Variants in NIN observed in about 807,000 individuals in gnomAD.
The protein encoded by NIN is glycogen synthase kinase 3 beta-interacting protein.
Under a neutral mutation model 257.6 loss-of-function variants are expected in NIN, and 137 were observed. The observed-to-expected ratio is 0.53, with a 90% CI of 0.46 to 0.61. The LOEUF is 0.61. Ranked by LOEUF, NIN falls within the 20% of genes least tolerant of loss-of-function variation. The probability of loss-of-function intolerance (pLI) is 0.00; values close to 1 mark genes in which losing one functional copy is unlikely to be tolerated. For synonymous variants in NIN, 918 were observed against 919.8 expected, an observed-to-expected ratio of 1.00 and a Z score of 0.04; for missense variants, 2,439 against 2,501.2, an observed-to-expected ratio of 0.98 and a Z score of 0.53.
At chr14:50,826,397 A>G (rs2045459875) in intron 2 of NIN, among the ~76,000 whole-genome samples, 1 of 152,218 alleles carries the variant, frequency 6.6e-6, no homozygotes. Flanking sequence ...AGAACCATTA[A>G]TCAAAACATT....
intron 2 of NIN, among the ~76,000 whole-genome samples, chr14:50,826,161 C>T (rs1221287430): frequency 6.6e-6 from 1 of 152,194 alleles, no homozygotes; most frequent in Admixed American, 6.5e-5. Flanking sequence ...AGGAGTCTTA[C>T]TCAGAGATTA....
chr14:50,759,086 G>A (rs923370484), intron 17 of NIN, among the ~76,000 whole-genome samples: 2 of 152,218 alleles, frequency 1.3e-5, no homozygotes, highest in Non-Finnish European at 2.9e-5. Context: ...TAACGAAGTA[G>A]CACCAAGTCA....
intron 28 of NIN, among the ~76,000 whole-genome samples, chr14:50,732,011 C>T (rs1349735566): frequency 6.6e-6 from 1 of 152,134 alleles, no homozygotes. Context: ...GTCTGTAACC[C>T]TTTTGTTGAG....
chr14:50,723,544 C>T lies in NIN; in HGVS notation c.6321G>A (p.Glu2107=), dbSNP rs370357170. The change falls in exon 31 of 31, where the codon GAG becomes GAA. Residue 2107 remains glutamate (E), a synonymous_variant. Transcript: ENST00000530997. Reference sequence around the variant, plus strand: ...TATTACTGAGGCTGGCAATCTTCTCCTCCAGGAGGTAATTTTTCTTCTCTG... The same window carrying T: ...TATTACTGAGGCTGGCAATCTTCTCTTCCAGGAGGTAATTTTTCTTCTCTG... The part of the protein sequence containing the change: ...KTAEKKNYLL[E]EKIASLSNIV... 8 of 1,613,762 alleles carry T rather than the reference C, an allele frequency of 5.0e-6. No homozygotes were observed. In the African/African-American group the frequency reaches 8.0e-5, roughly 16 times the overall value.
Position 50,722,728 on chromosome 14 carries a change from C to T in NIN, c.*735G>A. 4.6e-6 allele frequency: 1 copy of T among 215,822 alleles called. No individual in the cohort carries two copies. Among genetic ancestry groups the T allele is most frequent in the African/African-American group, 2.2e-5 (1 of 44,522 alleles). The allele number at this position is 215,822 out of a possible 1,614,324, so 13.4% of individuals were successfully genotyped here. On this transcript the variant is annotated 3_prime_UTR_variant, in exon 31 of 31. Coordinates refer to ENST00000530997, the MANE Select transcript of NIN (RefSeq NM_020921.4). ...AACTGCTTTAATTATGTGGCTTTAT[C>T]CGTTTCTTAGAAGACCAGCTCCCCA...
intron 5 of NIN, chr14:50,792,042 A>G (rs1388988658): frequency 6.6e-6 from 1 of 152,250 alleles, no homozygotes; most frequent in Non-Finnish European, 1.5e-5. Flanking sequence ...AAGAATAAAG[A>G]AAATGTTACT....
chr14:50,794,153 G>A (rs1369990015), intron 4 of NIN, among the ~76,000 whole-genome samples: 1 of 152,202 alleles, frequency 6.6e-6, no homozygotes, highest in Non-Finnish European at 1.5e-5. Context: ...TTCCCAGGGA[G>A]GACTGGCGAC....
intron 20 of NIN, among the ~76,000 whole-genome samples, chr14:50,754,234 G>C (rs568103774): frequency 6.6e-6 from 1 of 152,170 alleles, no homozygotes; most frequent in African/African-American, 2.4e-5. Context: ...TGAGGAAAAA[G>C]GAAGGGCTAA....
intron 4 of NIN, 33 bp downstream of exon 4, chr14:50,806,704 G>A: frequency 8.1e-7 from 1 of 1,228,572 alleles, no homozygotes; most frequent in Non-Finnish European, 1.2e-6. Flanking sequence ...ACTTTTAAAG[G>A]GGAAGGCAGA....
chr14:50,754,734 C>A lies in NIN; in HGVS notation c.4664+8G>T, dbSNP rs769268745. 6 of 1,582,026 alleles carry A rather than the reference C, an allele frequency of 3.8e-6. 1 individual carries two copies. The South Asian group carries it at 6.9e-5, about 18-fold the overall frequency. On this transcript the variant is annotated splice_region_variant and intron_variant, in intron 19 of 30. Transcript: ENST00000530997. ...AATGTCTTAGGAAAATGTAAGTATA[C>A]GTCTTACCACATTTCTTCCTGAGAT...
In NIN at chr14:50,806,756, T is replaced by A. The variant is rs775023999; in HGVS notation, c.246A>T (p.Glu82Asp). 6.3e-7 allele frequency: 1 copy of A among 1,587,884 alleles called. No homozygotes were observed. Among genetic ancestry groups the A allele is most frequent in the South Asian group, 1.1e-5 (1 of 89,838 alleles). ...CCTTACCTGGTTCTTGAAAGTGTTC[T>A]TCATTTGACAGAGTTCTGGACAAGA... ...ILILSRTLSN[E>D]EHFQEPDCSL... The change falls in exon 4 of 31, where the codon GAA (glutamate) becomes GAT (aspartate). Residue 82 changes from glutamate to aspartate, a missense_variant. Around this residue, in one of 3 missense-constraint regions of NIN, gnomAD observed 387 missense variants for 427.3 expected, o/e 0.91. Coordinates refer to ENST00000530997, the MANE Select transcript of NIN (RefSeq NM_020921.4).
At position 50,738,265 on chromosome 14, in the gene NIN, G is replaced by T; in HGVS notation, c.5650C>A (p.Leu1884Ile). 1 of 1,613,736 alleles carries T rather than the reference G, an allele frequency of 6.2e-7. No homozygotes were observed. Among genetic ancestry groups the T allele is most frequent in the Non-Finnish European group, 8.5e-7 (1 of 1,179,810 alleles). Residue 1884 changes from leucine to isoleucine, a missense_variant, in exon 27 of 31, where the codon CTT (leucine) becomes ATT (isoleucine). Physicochemically the swap from Leu to Ile is conservative, Grantham distance 5. Around this residue, in one of 3 missense-constraint regions of NIN, gnomAD observed 2,043 missense variants for 2,050.2 expected, o/e 1.00. Transcript: ENST00000530997. Reference protein sequence around the residue: ...REKVRQLESNLLPKHQKHLNP... With the variant: ...REKVRQLESNILPKHQKHLNP... ...AGATGTTTTTGGTGCTTGGGAAGAA[G>T]ATTGGATTCCAACTGACGGACCTAA... is the stretch of plus-strand genomic sequence containing the variant.
intron 18 of NIN, among the ~76,000 whole-genome samples, chr14:50,756,102 A>G (rs1449512655): frequency 1.3e-5 from 2 of 152,036 alleles, no homozygotes; most frequent in African/African-American, 4.8e-5. Flanking sequence ...ACAAAAAATC[A>G]TTCATTTGTA....
intron 5 of NIN, among the ~76,000 whole-genome samples, chr14:50,788,246 AG>A (rs1164169125): frequency 6.6e-6 from 1 of 152,202 alleles, no homozygotes; most frequent in Non-Finnish European, 1.5e-5. Flanking sequence ...GTGCCAACAT[AG>A]GCTCTCCCAC....
At chr14:50,799,706 T>C (rs1273105238) in intron 4 of NIN, among the ~76,000 whole-genome samples, 2 of 152,172 alleles carry the variant, frequency 1.3e-5, no homozygotes, top group Non-Finnish European at 1.5e-5. Flanking sequence ...AAATAAAATA[T>C]AGACATGGCT....
At chr14:50,783,686 C>A (rs1045826660) in intron 5 of NIN, among the ~76,000 whole-genome samples, 8 of 152,120 alleles carry the variant, frequency 5.3e-5, no homozygotes, top group Non-Finnish European at 1.0e-4. Flanking sequence ...TCATTCACAG[C>A]TCATTTATTT....
At chr14:50,826,650 A>T (rs2045469793) in intron 2 of NIN, among the ~76,000 whole-genome samples, 1 of 152,186 alleles carries the variant, frequency 6.6e-6, no homozygotes, top group Non-Finnish European at 1.5e-5. Flanking sequence ...AGCTTGTAAC[A>T]ATGACACCCC....
intron 30 of NIN, among the ~76,000 whole-genome samples, chr14:50,724,534 T>G (rs1418179806): frequency 6.6e-6 from 1 of 152,110 alleles, no homozygotes; most frequent in South Asian, 2.1e-4. Flanking sequence ...GAATACAACT[T>G]TTTTTCCTCC....
chr14:50,752,794 A>G (rs965119573), intron 20 of NIN, 61 bp from the exon 21 acceptor site: 4 of 969,446 alleles, frequency 4.1e-6, no homozygotes, highest in Non-Finnish European at 6.1e-6. Flanking sequence ...AAAAAAAAAA[A>G]AAACAGATTT....
Sources: allele counts gnomAD v4.1 joint callset (sites outside exome capture counted in the v4.1 genomes callset), GRCh38; gene constraint gnomAD v4.1.1; regional missense constraint gnomAD v4.1.1; transcripts MANE v1.5; gene names NCBI Gene and HGNC (gene_info 2026-07-23, HGNC 2026-07-21).